Variants in GRIK2 observed in about 807,000 individuals in gnomAD.
GRIK2 encodes glutamate ionotropic receptor kainate type subunit 2.
In GRIK2, 32 loss-of-function variants were observed where a neutral mutation model predicts 100.3. The observed-to-expected ratio is 0.32, with a 90% CI of 0.24 to 0.43. The LOEUF (loss-of-function observed/expected upper bound fraction) is 0.43, where lower values mean the gene tolerates loss of function less well. Ranked by LOEUF, GRIK2 falls within the 20% of genes least tolerant of loss-of-function variation. The probability of loss-of-function intolerance (pLI) is 1.00; values close to 1 mark genes in which losing one functional copy is unlikely to be tolerated. For synonymous variants in GRIK2, 417 were observed against 389.4 expected (o/e 1.07, Z -0.83); for missense variants, 843 against 1,114.9 (o/e 0.76, Z 3.47).
intron 2 of GRIK2, among the ~76,000 whole-genome samples, chr6:101,442,681 A>G (rs1441498964): frequency 1.3e-5 from 2 of 152,180 alleles, no homozygotes; most frequent in Admixed American, 6.5e-5. Context: ...AGGACCAGCT[A>G]GTAAATATTT....
chr6:101,879,798 A>T (rs1187360458), intron 11 of GRIK2, among the ~76,000 whole-genome samples: 1 of 151,474 alleles, frequency 6.6e-6, no homozygotes, highest in Non-Finnish European at 1.5e-5. Context: ...TGATACTCCT[A>T]TTTCGGGGTA....
chr6:101,417,986 A>G (rs1458207808), intron 2 of GRIK2, among the ~76,000 whole-genome samples: 1 of 152,230 alleles, frequency 6.6e-6, no homozygotes, highest in Non-Finnish European at 1.5e-5. Context: ...TCTATGTTCT[A>G]CAACAGACTG....
chr6:101,419,652 C>T (rs978697769), intron 2 of GRIK2, among the ~76,000 whole-genome samples: 4 of 152,178 alleles, frequency 2.6e-5, no homozygotes, highest in African/African-American at 9.7e-5. Context: ...AACTGGGTGC[C>T]ATTAATTCCC....
Position 101,889,800 on chromosome 6 carries a change from A to G in GRIK2, c.1685A>G (p.Asp562Gly), listed in dbSNP as rs1384238935. 6.2e-7 allele frequency: 1 copy of G among 1,613,326 alleles called. No homozygotes were observed. Among genetic ancestry groups the G allele is most frequent in the Non-Finnish European group, 8.5e-7 (1 of 1,179,696 alleles). ...VFSFLNPLSP[D>G]IWMYILLAYL... The stretch of plus-strand genomic sequence containing the variant: ...TCCTTCCTGAATCCTCTCTCCCCTG[A>G]TATCTGGATGTATATTCTGCTGGCT... Residue 562 changes from aspartate to glycine, a missense_variant, in exon 12 of 17, where the codon GAT (aspartate) becomes GGT (glycine). Physicochemically the swap from Asp to Gly is moderately conservative, Grantham distance 94 (BLOSUM62 -1). Around this residue, in one of 3 missense-constraint regions of GRIK2, gnomAD observed 237 missense variants for 388.0 expected, o/e 0.61. Coordinates refer to ENST00000369134, the MANE Select transcript of GRIK2 (RefSeq NM_021956.5).
chr6:101,727,018 C>A (rs1417340395), intron 7 of GRIK2, among the ~76,000 whole-genome samples: 1 of 151,996 alleles, frequency 6.6e-6, no homozygotes, highest in South Asian at 2.1e-4. Flanking sequence ...CCCTAACTTG[C>A]ATTTTTCTCT....
intron 9 of GRIK2, among the ~76,000 whole-genome samples, chr6:101,805,227 G>A (rs79410467): frequency 0.026 from 3,875 of 151,604 alleles, 175 homozygotes; most frequent in African/African-American, 0.088. Context: ...GATCCAAGAG[G>A]CTTGAATTTC....
chr6:101,797,788 T>C (rs1422806839), intron 7 of GRIK2, among the ~76,000 whole-genome samples: 1 of 147,270 alleles, frequency 6.8e-6, no homozygotes, highest in African/African-American at 2.5e-5. Flanking sequence ...TATTACATAC[T>C]ATATATAATA....
chr6:101,398,097 A>T (rs1775088127), intron 1 of GRIK2, among the ~76,000 whole-genome samples: 2 of 152,164 alleles, frequency 1.3e-5, no homozygotes, highest in South Asian at 2.1e-4. Flanking sequence ...CTAGCAAATG[A>T]TAAGACAGTT....
chr6:101,681,419 T>C (rs2128341995), intron 5 of GRIK2, among the ~76,000 whole-genome samples: 1 of 150,208 alleles, frequency 6.7e-6, no homozygotes, highest in African/African-American at 2.4e-5. Flanking sequence ...TTTTTTTTTT[T>C]TTTTGTAGAG....
At chr6:101,592,629 T>G in intron 2 of GRIK2, among the ~76,000 whole-genome samples, 1 of 102,420 alleles carries the variant, frequency 9.8e-6, no homozygotes, top group South Asian at 3.1e-4. Context: ...ATATATTGCT[T>G]TTTCACAGAC....
chr6:101,837,820 ATTTC>A (rs1227663656), intron 10 of GRIK2, among the ~76,000 whole-genome samples: 1 of 152,098 alleles, frequency 6.6e-6, no homozygotes, highest in African/African-American at 2.4e-5. Flanking sequence ...AGAATGAAAT[ATTTC>A]TTGTACTGTC....
intron 2 of GRIK2, among the ~76,000 whole-genome samples, chr6:101,575,574 G>A (rs1777753629): frequency 6.6e-6 from 1 of 151,798 alleles, no homozygotes; most frequent in Non-Finnish European, 1.5e-5. Context: ...CATATTGGGT[G>A]GTTTTGTTGA....
At chr6:101,710,078 A>G (rs1369762117) in intron 7 of GRIK2, among the ~76,000 whole-genome samples, 1 of 151,880 alleles carries the variant, frequency 6.6e-6, no homozygotes, top group East Asian at 1.9e-4. Context: ...GATCAATGCC[A>G]CTGTTAGAGA....
intron 14 of GRIK2, among the ~76,000 whole-genome samples, chr6:102,034,401 T>G (rs1277109199): frequency 6.6e-6 from 1 of 151,426 alleles, no homozygotes; most frequent in East Asian, 1.9e-4. Flanking sequence ...AAAAGAGTTT[T>G]AACTTTTTAT....
At chr6:101,662,297 CA>C (rs1402465722) in intron 4 of GRIK2, among the ~76,000 whole-genome samples, 1 of 152,166 alleles carries the variant, frequency 6.6e-6, no homozygotes, top group Non-Finnish European at 1.5e-5. Flanking sequence ...GAAACAGAAA[CA>C]CTAAGAAGAA....
intron 10 of GRIK2, among the ~76,000 whole-genome samples, chr6:101,838,582 C>T (rs1783290659): frequency 6.6e-6 from 1 of 152,008 alleles, no homozygotes; most frequent in Non-Finnish European, 1.5e-5. Flanking sequence ...TTTTCCATTT[C>T]AAGAGTTCAT....
intron 2 of GRIK2, among the ~76,000 whole-genome samples, chr6:101,607,867 G>T (rs1410817700): frequency 6.6e-6 from 1 of 151,564 alleles, no homozygotes; most frequent in Non-Finnish European, 1.5e-5. Context: ...ACCCTACCTA[G>T]GGGCAGGTCA....
chr6:101,813,751 G>A (rs1023783281), intron 9 of GRIK2, among the ~76,000 whole-genome samples: 1 of 151,948 alleles, frequency 6.6e-6, no homozygotes, highest in Non-Finnish European at 1.5e-5. Flanking sequence ...ATCACCTGAG[G>A]TCAGGAGTTC....
At chr6:102,062,036 T>A (rs1771779020) in intron 16 of GRIK2, among the ~76,000 whole-genome samples, 1 of 150,000 alleles carries the variant, frequency 6.7e-6, no homozygotes, top group Non-Finnish European at 1.5e-5. Flanking sequence ...TTTTTTTTTT[T>A]AACTAGCTTA....
Sources: gnomAD v4.1 joint callset for allele counts (sites outside exome capture counted in the v4.1 genomes callset) on GRCh38, gnomAD v4.1.1 for gene constraint, gnomAD v4.1.1 regional missense constraint, MANE v1.5 for transcripts, NCBI Gene and HGNC (gene_info 2026-07-23, HGNC 2026-07-21) for gene names.